The following GIGYF1 variants were observed in gnomAD, a reference collection of about 807,000 sequenced individuals.
GIGYF1 encodes the protein GRB10 interacting GYF protein 1.
GIGYF1 carries 84 observed loss-of-function variants against 147.1 expected under a neutral mutation model. That is an observed-to-expected ratio of 0.57 (90% CI 0.48 to 0.68). The LOEUF (loss-of-function observed/expected upper bound fraction) is 0.68. GIGYF1 is among the 30% of genes least tolerant of loss of function. The probability of loss-of-function intolerance (pLI) is 0.00; values close to 1 mark genes in which losing one functional copy is unlikely to be tolerated. For synonymous variants in GIGYF1, 752 were observed against 589.5 expected (o/e 1.28, Z -3.99); for missense variants, 1,485 against 1,393.7 (o/e 1.07, Z -1.04).
chr7:100,686,436 G>C lies in GIGYF1; in HGVS notation c.695-3C>G. ...GCCAGCAGAGCGGGGACCACCATCT[G>C]CACAGGAAAAGTCAGGGAGAAGAAG... On this transcript the variant is annotated splice_polypyrimidine_tract_variant and splice_region_variant and intron_variant, in intron 10 of 26. Transcript: ENST00000678049. 6.3e-7 allele frequency: 1 copy of C among 1,583,860 alleles called. No homozygotes were observed. The highest frequency in any genetic ancestry group is 8.6e-7 in the Non-Finnish European group (1 of 1,165,792).
At chr7:100,684,186 C>T (rs1391856255) in intron 17 of GIGYF1, 29 bp from the exon 18 acceptor site, 2 of 1,608,864 alleles carry the variant, frequency 1.2e-6, no homozygotes, top group Non-Finnish European at 1.7e-6. Flanking sequence ...AGATGGTGGG[C>T]CACAGAGCCA....
intron 1 of GIGYF1, among the ~76,000 whole-genome samples, chr7:100,692,204 A>C (rs370823682): frequency 6.6e-6 from 1 of 152,314 alleles, no homozygotes; most frequent in African/African-American, 2.4e-5. Context: ...AAAGAGATGC[A>C]AACCCGCATT....
At chr7:100,691,506 A>ATTTT (rs373899398) in intron 1 of GIGYF1, among the ~76,000 whole-genome samples, 27,983 of 147,574 alleles carry the variant, frequency 0.19, 2,916 homozygotes, top group Non-Finnish European at 0.24. Context: ...AAAAGAATAG[A>ATTTT]TTTTTTTTTT....
intron 1 of GIGYF1, among the ~76,000 whole-genome samples, chr7:100,693,257 G>A (rs575409176): frequency 2.0e-5 from 3 of 151,556 alleles, no homozygotes; most frequent in African/African-American, 7.3e-5. Flanking sequence ...ACAGAGAAGA[G>A]AGACGAGGGG....
Position 100,686,289 on chromosome 7 carries a change from G to C in GIGYF1, c.839C>G (p.Ala280Gly). 6.2e-7 allele frequency: 1 copy of C among 1,613,968 alleles called. No individual in the cohort carries two copies. Among genetic ancestry groups the C allele is most frequent in the Non-Finnish European group, 8.5e-7 (1 of 1,179,996 alleles). Residue 280 changes from alanine to glycine, a missense_variant, in exon 11 of 27, where the codon GCG becomes GGG. Coordinates refer to ENST00000678049, the MANE Select transcript of GIGYF1 (RefSeq NM_001375765.1). Reference sequence around the variant, plus strand: ...CTTGTCCTCCTCAAAGCCTTCAGGCGCTCGGCACCGCCGCAGGTGAGAGCT... The same window carrying C: ...CTTGTCCTCCTCAAAGCCTTCAGGCCCTCGGCACCGCCGCAGGTGAGAGCT... ...GGSSHLRRCR[A>G]PEGFEEDKDG...
chr7:100,682,039 G>A (rs751004350), intron 25 of GIGYF1, 33 bp downstream of exon 25: 1 of 1,611,040 alleles, frequency 6.2e-7, no homozygotes, highest in East Asian at 2.2e-5. Flanking sequence ...CACCAGGCAA[G>A]CCCACCCCAG....
rs147409356 is a variant in GIGYF1 at position 100,684,318 on chromosome 7, C to T, written c.1649G>A (p.Arg550Gln). The T allele has an allele frequency of 1.1e-5, 18 of 1,597,928 alleles. No individual in the cohort carries two copies. Among genetic ancestry groups the T allele is most frequent in the Admixed American group, 5.2e-5 (3 of 57,644 alleles). The change falls in exon 17 of 27, where the codon CGG (arginine) becomes CAG (glutamine). Residue 550 changes from arginine (R) to glutamine (Q), a missense_variant. Physicochemically the swap from Arg to Gln is conservative, Grantham distance 43 (BLOSUM62 1). Coordinates refer to ENST00000678049, the MANE Select transcript of GIGYF1 (RefSeq NM_001375765.1). ...GGCCAGCTCCTGTTGCTTCTTCAGC[C>T]GCTCCTGGTCCATGTTTCCCTGCTC... ...PPLLGNMDQE[R>Q]LKKQQELAAA...
intron 1 of GIGYF1, among the ~76,000 whole-genome samples, chr7:100,690,378 T>C (rs1805731050): frequency 6.6e-6 from 1 of 152,168 alleles, no homozygotes. Flanking sequence ...CACAATGGCT[T>C]ATGCCTATAA....
chr7:100,683,493 G>T (rs748549149), intron 20 of GIGYF1, 49 bp from the exon 21 acceptor site: 1 of 1,613,504 alleles, frequency 6.2e-7, no homozygotes, highest in Admixed American at 1.7e-5. Context: ...GACAGCCTGG[G>T]GCCTGCCTCG....
chr7:100,688,604 C>T lies in GIGYF1; in HGVS notation c.-147G>A. On this transcript the variant is annotated 5_prime_UTR_variant, in exon 2 of 27. Transcript: ENST00000678049. ...GCCCGGGGCTCACCTGGCAGCCTGGCCCGGGAAGAAGGAGGGCAGGGGCTG... is the reference window on the plus strand; with the variant it reads ...GCCCGGGGCTCACCTGGCAGCCTGGTCCGGGAAGAAGGAGGGCAGGGGCTG... The T allele has an allele frequency of 1.9e-6, 1 of 513,206 alleles. No homozygotes were observed. The highest frequency in any genetic ancestry group is 3.8e-6 in the Non-Finnish European group (1 of 264,992). The allele number at this position is 513,206 out of a possible 1,614,324, so 31.8% of individuals were successfully genotyped here.
intron 1 of GIGYF1, 114 bp from the exon 2 acceptor site, chr7:100,689,669 C>T (rs1318953429): frequency 2.0e-5 from 3 of 152,328 alleles, no homozygotes; most frequent in Non-Finnish European, 4.4e-5. Context: ...CCAGGCACTC[C>T]AGGGGGAAAC....
Position 100,686,447 on chromosome 7 carries a change from G to A in GIGYF1, c.695-14C>T, listed in dbSNP as rs1267607146. ...GGGGACCACCATCTGCACAGGAAAA[G>A]TCAGGGAGAAGAAGAGTGGGTACCC... On this transcript the variant is annotated splice_polypyrimidine_tract_variant and intron_variant, in intron 10 of 26. Transcript: ENST00000678049. The A allele has an allele frequency of 1.3e-6, 2 of 1,571,394 alleles. No individual in the cohort carries two copies. Among genetic ancestry groups the A allele is most frequent in the Non-Finnish European group, 1.7e-6 (2 of 1,160,154 alleles).
chr7:100,686,886 T>C (rs927829355), intron 9 of GIGYF1, 67 bp from the exon 10 acceptor site: 3 of 1,473,288 alleles, frequency 2.0e-6, no homozygotes, highest in East Asian at 2.5e-5. Context: ...TCAAGAAACG[T>C]TGGGGGGGCC....
At position 100,682,314 on chromosome 7, in the gene GIGYF1, T is replaced by C. The variant is rs1562868885; in HGVS notation, c.2761+8A>G. On this transcript the variant is annotated splice_region_variant and intron_variant, in intron 24 of 26. Coordinates refer to ENST00000678049, the MANE Select transcript of GIGYF1 (RefSeq NM_001375765.1). ...GTCCCGCCCACCTCCTGGGAGCCGC[T>C]CGCCCACCGTCCAGGCTGCCCGTGG... The C allele has an allele frequency of 8.1e-6, 13 of 1,610,804 alleles. No homozygotes were observed. The highest frequency in any genetic ancestry group is 4.5e-5 in the East Asian group (2 of 44,860).
At chr7:100,690,928 G>A (rs1020731693) in intron 1 of GIGYF1, among the ~76,000 whole-genome samples, 1 of 152,060 alleles carries the variant, frequency 6.6e-6, no homozygotes, top group African/African-American at 2.4e-5. Flanking sequence ...AGGGGGAATG[G>A]TTCATGCAGA....
chr7:100,683,748 G>A, intron 19 of GIGYF1, 70 bp downstream of exon 19: 3 of 1,545,766 alleles, frequency 1.9e-6, no homozygotes, highest in Non-Finnish European at 2.7e-6. Flanking sequence ...GTGTGGGGGT[G>A]GGGAGCAGAC....
At position 100,682,438 on chromosome 7, in the gene GIGYF1, G is replaced by A. The variant is rs368692628; in HGVS notation, c.2645C>T (p.Thr882Met). Residue 882 changes from threonine (T) to methionine (M), a missense_variant, in exon 24 of 27, where the codon ACG (threonine) becomes ATG (methionine). By Grantham distance (81) the Thr-to-Met change is moderately conservative. Transcript: ENST00000678049. ...HLSGRPIRKKTEEEEKLLKLL... is the reference protein window; with the variant it reads ...HLSGRPIRKKMEEEEKLLKLL... ...CTTCAGCAGCTTCTCTTCTTCCTCC[G>A]TCTTTTTGCGAATGGGCCGACCCGA... 9.3e-6 allele frequency: 15 copies of A among 1,613,342 alleles called. No individual in the cohort carries two copies. The highest frequency in any genetic ancestry group is 6.7e-5 in the African/African-American group (5 of 74,922).
chr7:100,683,372 G>A lies in GIGYF1; in HGVS notation c.2125C>T (p.Arg709Cys), dbSNP rs1450284896. ...TGCTCCTCCTGCTGCTGCTGGCGGC[G>A]CTTCTCCTCTCGACGCTTGCGTTCC... ...EEERKRREEK[R>C]RQQQQEEQKR... The change falls in exon 21 of 27, where the codon CGC becomes TGC. Residue 709 changes from arginine (R) to cysteine (C), a missense_variant. Arg to Cys is a radical substitution (Grantham distance 180, BLOSUM62 -3). Coordinates refer to ENST00000678049, the MANE Select transcript of GIGYF1 (RefSeq NM_001375765.1). The A allele has an allele frequency of 9.3e-6, 15 of 1,613,406 alleles. No homozygotes were observed. Among genetic ancestry groups the A allele is most frequent in the East Asian group, 2.2e-5 (1 of 44,882 alleles).
chr7:100,682,099 T>A lies in GIGYF1; in HGVS notation c.2898A>T (p.Lys966Asn). ...KQFLERRAKQ[K>N]ASQQRQQQQE... ...GCTGCTGCTGCCGCTGCTGGCTGGC[T>A]TTCTGCTTGGCCCTCCGCTCCAGGA... The change falls in exon 25 of 27, where the codon AAA (lysine) becomes AAT (asparagine). Residue 966 changes from lysine to asparagine, a missense_variant. Lys to Asn is a moderately conservative substitution (Grantham distance 94). Transcript: ENST00000678049. 6.2e-7 allele frequency: 1 copy of A among 1,613,658 alleles called. No individual in the cohort carries two copies. Among genetic ancestry groups the A allele is most frequent in the Non-Finnish European group, 8.5e-7 (1 of 1,179,862 alleles).
Sources: allele counts gnomAD v4.1 joint callset (sites outside exome capture counted in the v4.1 genomes callset), GRCh38; gene constraint gnomAD v4.1.1; transcripts MANE v1.5; gene names NCBI Gene and HGNC (gene_info 2026-07-23, HGNC 2026-07-21).